MLIP: variants seen among roughly 807,000 people sequenced by gnomAD.
MLIP encodes the protein muscular LMNA-interacting protein.
Under a neutral mutation model 84.8 loss-of-function variants are expected in MLIP, and 79 were observed. The ratio of observed to expected loss-of-function variants is 0.93; its 90% CI spans 0.78 to 1.12. MLIP has a LOEUF of 1.12. Among genes scored for constraint, MLIP ranks in the 50% most tolerant of loss-of-function variants. The pLI, the probability that MLIP is intolerant of heterozygous loss-of-function variation, is 0.00. For synonymous variants in MLIP, 504 were observed against 463.0 expected, an observed-to-expected ratio of 1.09 and a Z score of -1.14; for missense variants, 1,257 against 1,160.6, an observed-to-expected ratio of 1.08 and a Z score of -1.21.
chr6:54,229,117 G>A (rs748611151), intron 11 of MLIP, among the ~76,000 whole-genome samples: 9 of 152,168 alleles, frequency 5.9e-5, no homozygotes, highest in Non-Finnish European at 8.8e-5. Context: ...CTGGCAAAGA[G>A]GAGACAAATT....
In MLIP at chr6:54,124,764, G is replaced by A. The variant is rs756954397; in HGVS notation, c.544G>A (p.Val182Ile). The A allele has an allele frequency of 1.2e-6, 2 of 1,614,182 alleles. No individual in the cohort carries two copies. The highest frequency in any genetic ancestry group is 1.7e-6 in the Non-Finnish European group (2 of 1,180,032). ...PKSLAISSSLVSDVVRPKTQG... is the reference protein window; with the variant it reads ...PKSLAISSSLISDVVRPKTQG... Reference sequence around the variant, plus strand: ...GTCTCTAGCTATCTCGTCCAGTCTGGTCTCTGATGTAGTGCGTCCCAAAAC... The same window carrying A: ...GTCTCTAGCTATCTCGTCCAGTCTGATCTCTGATGTAGTGCGTCCCAAAAC... Residue 182 changes from valine to isoleucine, a missense_variant, in exon 3 of 14, where the codon GTC (valine) becomes ATC (isoleucine). Transcript: ENST00000502396.
chr6:54,113,513 G>A (rs1345182149), intron 1 of MLIP, among the ~76,000 whole-genome samples: 1 of 151,994 alleles, frequency 6.6e-6, no homozygotes, highest in Non-Finnish European at 1.5e-5. Flanking sequence ...TTGATGATAA[G>A]GTATTTTGAC....
intron 1 of MLIP, among the ~76,000 whole-genome samples, chr6:54,040,071 C>T (rs1764658021): frequency 6.6e-6 from 1 of 151,968 alleles, no homozygotes; most frequent in Non-Finnish European, 1.5e-5. Flanking sequence ...GATATTGTCT[C>T]TCATCATTTT....
At chr6:54,138,854 C>T (rs1025747971) in intron 4 of MLIP, among the ~76,000 whole-genome samples, 7 of 152,166 alleles carry the variant, frequency 4.6e-5, no homozygotes, top group African/African-American at 1.4e-4. Flanking sequence ...CACCCATACC[C>T]AGAATTTGAT....
At chr6:54,037,312 T>C (rs1311721578) in intron 1 of MLIP, among the ~76,000 whole-genome samples, 1 of 152,002 alleles carries the variant, frequency 6.6e-6, no homozygotes, top group Non-Finnish European at 1.5e-5. Context: ...GCTAATCTTC[T>C]ATGGCTTTCC....
At chr6:54,263,858 C>T (rs180777462) in intron 13 of MLIP, among the ~76,000 whole-genome samples, 1 of 151,962 alleles carries the variant, frequency 6.6e-6, no homozygotes, top group Admixed American at 6.6e-5. Flanking sequence ...AAATACTGAG[C>T]CTTAACTGCC....
chr6:54,068,359 A>T (rs931805511), intron 1 of MLIP, among the ~76,000 whole-genome samples: 9 of 96,554 alleles, frequency 9.3e-5, no homozygotes, highest in African/African-American at 2.4e-4. Flanking sequence ...CTGGTCTCGA[A>T]CTCCTGACCT....
intron 11 of MLIP, among the ~76,000 whole-genome samples, chr6:54,214,647 A>G (rs571042838): frequency 4.5e-4 from 69 of 152,234 alleles, no homozygotes; most frequent in Middle Eastern, 3.4e-3. Flanking sequence ...CAAAGTATTA[A>G]CTCTGCCATG....
intron 1 of MLIP, among the ~76,000 whole-genome samples, chr6:54,115,142 G>A (rs1324660604): frequency 1.3e-5 from 2 of 151,886 alleles, no homozygotes; most frequent in African/African-American, 4.9e-5. Flanking sequence ...CCTTCTTGAG[G>A]CTCAGAGTGG....
intron 13 of MLIP, among the ~76,000 whole-genome samples, chr6:54,263,196 A>G (rs1783494013): frequency 6.6e-6 from 1 of 152,032 alleles, no homozygotes; most frequent in African/African-American, 2.4e-5. Flanking sequence ...GATCAGGGTT[A>G]ATAATTATTT....
chr6:54,035,862 A>C (rs1454189078), intron 1 of MLIP, among the ~76,000 whole-genome samples: 3 of 151,984 alleles, frequency 2.0e-5, no homozygotes, highest in African/African-American at 2.4e-5. Context: ...AATATATTCT[A>C]GATGCATGTT....
intron 1 of MLIP, among the ~76,000 whole-genome samples, chr6:54,069,171 T>G (rs1264207813): frequency 9.9e-6 from 1 of 101,150 alleles, no homozygotes; most frequent in African/African-American, 2.5e-5. Flanking sequence ...CAATCCAGGG[T>G]TGCAACTTCA....
intron 12 of MLIP, among the ~76,000 whole-genome samples, chr6:54,254,738 C>CCCTCCCTT (rs2076174754): frequency 2.3e-5 from 2 of 87,578 alleles, no homozygotes; most frequent in African/African-American, 5.7e-5. Context: ...TTTTTTTTCT[C>CCCTCCCTT]CCTCCCTTCC....
Position 54,138,255 on chromosome 6 carries a change from T to C in MLIP, c.2186T>C (p.Met729Thr), listed in dbSNP as rs1020395532. 1.0e-5 allele frequency: 16 copies of C among 1,535,606 alleles called. No homozygotes were observed. Among genetic ancestry groups the C allele is most frequent in the East Asian group, 2.4e-5 (1 of 40,924 alleles). The change falls in exon 4 of 14, where the codon ATG becomes ACG. Residue 729 changes from methionine (M) to threonine (T), a missense_variant. Transcript: ENST00000502396. ...CTGATTTCACCTTGTGCATTGTCCA[T>C]GTCAACAGGCCCAGAAAATAAGAAA... is the stretch of plus-strand genomic sequence containing the variant. ...EELISPCALSMSTGPENKKSK... is the reference protein window; with the variant it reads ...EELISPCALSTSTGPENKKSK...
intron 1 of MLIP, among the ~76,000 whole-genome samples, chr6:54,062,001 C>T (rs372018081): frequency 7.1e-4 from 108 of 152,246 alleles, no homozygotes; most frequent in South Asian, 7.1e-3. Flanking sequence ...TCCCTCTACA[C>T]GTTTTAAAAA....
At chr6:54,175,151 C>T (rs573494963) in intron 9 of MLIP, among the ~76,000 whole-genome samples, 1 of 152,030 alleles carries the variant, frequency 6.6e-6, no homozygotes, top group African/African-American at 2.4e-5. Flanking sequence ...GTTACTATAG[C>T]TCTGTAGCAG....
At position 54,117,818 on chromosome 6, in the gene MLIP, C is replaced by T. The variant is rs1047632001; in HGVS notation, c.97-3629C>T. On this transcript the variant is annotated intron_variant, in intron 1 of 13. Transcript: ENST00000502396. ...AAAGTTAGCTGGGCGTGTTGGCGGGCGCCTGTAGTCCCAGCTACTCGGAAG... is the reference window on the plus strand; with the variant it reads ...AAAGTTAGCTGGGCGTGTTGGCGGGTGCCTGTAGTCCCAGCTACTCGGAAG... 5.9e-5 allele frequency among the ~76,000 whole-genome samples: 9 copies of T among 151,718 alleles called. No homozygotes were observed. The South Asian group carries it at 6.3e-4, about 11-fold the overall frequency.
chr6:54,144,490 AAAC>A (rs1772607138), intron 4 of MLIP, among the ~76,000 whole-genome samples: 1 of 152,234 alleles, frequency 6.6e-6, no homozygotes, highest in Non-Finnish European at 1.5e-5. Flanking sequence ...TTTTGGGATG[AAAC>A]TGTTCCACCT....
intron 1 of MLIP, among the ~76,000 whole-genome samples, chr6:54,120,647 C>G (rs569180329): frequency 3.3e-5 from 5 of 152,316 alleles, no homozygotes; most frequent in African/African-American, 1.2e-4. Context: ...GATACACTCT[C>G]CACTGCTGCT....
Sources: allele counts gnomAD v4.1 joint callset (sites outside exome capture counted in the v4.1 genomes callset), GRCh38; gene constraint gnomAD v4.1.1; transcripts MANE v1.5; gene names NCBI Gene and HGNC (gene_info 2026-07-23, HGNC 2026-07-21).